The following RNF115 variants were observed in gnomAD, a reference collection of about 807,000 sequenced individuals.
RNF115 encodes the protein ring finger protein 115, also known as E3 ubiquitin-protein ligase RNF115.
In RNF115, 31 loss-of-function variants were observed where a neutral mutation model predicts 39.2. The ratio of observed to expected loss-of-function variants is 0.79; its 90% CI spans 0.59 to 1.07. The LOEUF (loss-of-function observed/expected upper bound fraction) is 1.07, where lower values mean the gene tolerates loss of function less well. RNF115 is among the 50% of genes least tolerant of loss of function. The pLI is 0.00. For missense variants in RNF115, 384 were observed against 381.7 expected (o/e 1.01, Z -0.05); for synonymous variants, 124 against 131.0 (o/e 0.95, Z 0.37).
intron 1 of RNF115, among the ~76,000 whole-genome samples, chr1:145,801,328 G>C (rs587659947): frequency 2.6e-5 from 4 of 152,240 alleles, no homozygotes; most frequent in Non-Finnish European, 5.9e-5. Flanking sequence ...CAGCACTTTG[G>C]AAGGCCACGG....
intron 3 of RNF115, among the ~76,000 whole-genome samples, chr1:145,779,515 T>G (rs1648028521): frequency 6.6e-6 from 1 of 152,106 alleles, no homozygotes; most frequent in Admixed American, 6.6e-5. Flanking sequence ...AAAAGGTTTA[T>G]GACATAATAC....
At chr1:145,763,657 C>T (rs1658619760) in intron 4 of RNF115, among the ~76,000 whole-genome samples, 1 of 152,152 alleles carries the variant, frequency 6.6e-6, no homozygotes, top group African/African-American at 2.4e-5. Context: ...CGAGATCACA[C>T]CACTGCACTG....
intron 3 of RNF115, among the ~76,000 whole-genome samples, chr1:145,775,763 C>T (rs181111723): frequency 2.6e-5 from 4 of 152,042 alleles, no homozygotes; most frequent in Admixed American, 2.6e-4. Flanking sequence ...GAGGCTAAGG[C>T]GGTGGGGGGG....
At chr1:145,812,851 G>T (rs1649798311) in intron 1 of RNF115, among the ~76,000 whole-genome samples, 1 of 147,654 alleles carries the variant, frequency 6.8e-6, no homozygotes, top group Admixed American at 6.9e-5. Flanking sequence ...AAACTCCTGA[G>T]CTCAAGTTAT....
chr1:145,765,014 ATTG>A lies in RNF115; in HGVS notation c.428+6694_428+6696del, dbSNP rs1454215958. Among the ~76,000 whole-genome samples, 4 of 152,308 alleles carry A rather than the reference ATTG, an allele frequency of 2.6e-5. No individual in the cohort carries two copies. In the East Asian group the frequency reaches 5.8e-4, roughly 22 times the overall value. On this transcript the variant is annotated intron_variant, in intron 4 of 8. Transcript: ENST00000582693. Reference sequence around the variant, plus strand: ...GGTGGGGAAGGGATAGAGAAATCGGATTGTTGTTGTGTCTGTGTAGAAAGAAGT... The same window carrying A: ...GGTGGGGAAGGGATAGAGAAATCGGATTGTTGTGTCTGTGTAGAAAGAAGT...
chr1:145,763,014 G>A (rs781946317), intron 4 of RNF115, among the ~76,000 whole-genome samples: 1 of 152,114 alleles, frequency 6.6e-6, no homozygotes, highest in Non-Finnish European at 1.5e-5. Flanking sequence ...AAGGGAGAGG[G>A]AGGGAGAAGG....
intron 3 of RNF115, among the ~76,000 whole-genome samples, chr1:145,774,818 T>A (rs1326852607): frequency 6.6e-6 from 1 of 152,238 alleles, no homozygotes; most frequent in African/African-American, 2.4e-5. Context: ...GACTTTCTAA[T>A]TGCCTTAGTA....
At chr1:145,762,153 G>A (rs1224564612) in intron 4 of RNF115, among the ~76,000 whole-genome samples, 1 of 152,234 alleles carries the variant, frequency 6.6e-6, no homozygotes, top group Non-Finnish European at 1.5e-5. Flanking sequence ...CTCACAGGCA[G>A]AAGGGACTTG....
At chr1:145,762,772 T>C (rs1436240185) in intron 4 of RNF115, among the ~76,000 whole-genome samples, 1 of 152,132 alleles carries the variant, frequency 6.6e-6, no homozygotes, top group Non-Finnish European at 1.5e-5. Context: ...CTAGGGTTAA[T>C]TTCAGAAGAA....
intron 4 of RNF115, among the ~76,000 whole-genome samples, chr1:145,764,087 T>A (rs945794891): frequency 1.3e-5 from 2 of 152,176 alleles, no homozygotes; most frequent in Non-Finnish European, 2.9e-5. Flanking sequence ...CTGGTTTTCG[T>A]ATTTTTTTGG....
At chr1:145,753,976 T>C (rs1466898842) in intron 4 of RNF115, among the ~76,000 whole-genome samples, 1 of 152,172 alleles carries the variant, frequency 6.6e-6, no homozygotes. Context: ...CCCAAAGTGC[T>C]GGGATTACAG....
At position 145,823,882 on chromosome 1, in the gene RNF115, T is replaced by A. The variant is rs1650447240; in HGVS notation, c.-9A>T. The A allele has an allele frequency of 4.6e-6, 7 of 1,524,580 alleles. No homozygotes were observed. The East Asian group carries it at 1.9e-4, about 41-fold the overall frequency. The allele number at this position is 1,524,580 out of a possible 1,614,324, so 94.4% of individuals were successfully genotyped here. On this transcript the variant is annotated 5_prime_UTR_variant, in exon 1 of 9. Transcript: ENST00000582693. ...GCCGAAGCCTCCGCCATTTTTGCCC[T>A]CCGCCGCGGCCGTCCGAGAGGGCAG...
intron 8 of RNF115, among the ~76,000 whole-genome samples, chr1:145,747,507 G>A (rs782525336): frequency 6.6e-6 from 1 of 152,120 alleles, no homozygotes; most frequent in Non-Finnish European, 1.5e-5. Context: ...GCTGGGCATG[G>A]TGGTGCACGC....
chr1:145,794,376 T>C (rs914432205), intron 1 of RNF115, among the ~76,000 whole-genome samples: 16 of 152,146 alleles, frequency 1.1e-4, no homozygotes, highest in Non-Finnish European at 1.8e-4. Context: ...TTCAGTGTGT[T>C]CCAGCCACAC....
intron 1 of RNF115, among the ~76,000 whole-genome samples, chr1:145,819,905 G>A (rs1309633279): frequency 6.6e-6 from 1 of 152,090 alleles, no homozygotes; most frequent in African/African-American, 2.4e-5. Flanking sequence ...AGGTCTAGTG[G>A]TGCAAACCTG....
At chr1:145,757,566 A>T (rs1330933743) in intron 4 of RNF115, among the ~76,000 whole-genome samples, 3 of 152,238 alleles carry the variant, frequency 2.0e-5, no homozygotes, top group African/African-American at 4.8e-5. Context: ...TGCAGCTACA[A>T]ATATGAACTA....
intron 1 of RNF115, among the ~76,000 whole-genome samples, chr1:145,813,110 T>C (rs200859054): frequency 0.061 from 8,923 of 146,036 alleles, 382 homozygotes; most frequent in Middle Eastern, 0.15. Context: ...GGATTGCTCA[T>C]GATTCTTACA....
At chr1:145,775,124 G>C (rs1268057196) in intron 3 of RNF115, among the ~76,000 whole-genome samples, 1 of 152,124 alleles carries the variant, frequency 6.6e-6, no homozygotes, top group African/African-American at 2.4e-5. Flanking sequence ...GCAAGCACCT[G>C]ATGTTCCAGC....
At chr1:145,756,866 T>C (rs1169408296) in intron 4 of RNF115, among the ~76,000 whole-genome samples, 3 of 132,260 alleles carry the variant, frequency 2.3e-5, no homozygotes, top group African/African-American at 9.0e-5. Flanking sequence ...TGAGGCAGAG[T>C]CTCACTCTCG....
Sources: allele counts gnomAD v4.1 joint callset (sites outside exome capture counted in the v4.1 genomes callset), GRCh38; gene constraint gnomAD v4.1.1; transcripts MANE v1.5; gene names NCBI Gene and HGNC (gene_info 2026-07-23, HGNC 2026-07-21).